Variants in RNF145 observed in about 807,000 individuals in gnomAD.
RNF145 encodes ring finger protein 145.
A neutral mutation model predicts 57.3 loss-of-function variants in RNF145; 12 were observed. The observed-to-expected ratio is 0.21, with a 90% confidence interval of 0.13 to 0.34. The LOEUF (loss-of-function observed/expected upper bound fraction) is 0.34, where lower values mean the gene tolerates loss of function less well. RNF145 is among the 10% of genes least tolerant of loss of function. The pLI is 1.00. For synonymous variants in RNF145, 262 were observed against 288.3 expected (o/e 0.91, Z 0.92); for missense variants, 429 against 799.0 (o/e 0.54, Z 5.58).
chr5:159,194,074 C>G (rs897147933), intron 3 of RNF145, among the ~76,000 whole-genome samples: 16 of 152,192 alleles, frequency 1.1e-4, no homozygotes, highest in African/African-American at 3.9e-4. Context: ...CTTAGGTACA[C>G]AGACAATATG....
intron 4 of RNF145, among the ~76,000 whole-genome samples, chr5:159,178,099 G>A (rs909782783): frequency 6.6e-6 from 1 of 151,334 alleles, no homozygotes; most frequent in Admixed American, 6.6e-5. Flanking sequence ...TTTCTTAATA[G>A]TACCCACCTT....
intron 10 of RNF145, among the ~76,000 whole-genome samples, chr5:159,160,306 G>C (rs1030577931): frequency 6.6e-6 from 1 of 152,106 alleles, no homozygotes; most frequent in Non-Finnish European, 1.5e-5. Flanking sequence ...ACATTGTTTA[G>C]CTAGGATCAA....
At chr5:159,200,187 G>A (rs865993637) in intron 2 of RNF145, among the ~76,000 whole-genome samples, 63 of 152,124 alleles carry the variant, frequency 4.1e-4, no homozygotes, top group African/African-American at 1.4e-3. Flanking sequence ...CAAATGGGTT[G>A]CTTTGTTTTT....
Position 159,209,550 on chromosome 5 carries a change from C to T in RNF145, c.-359G>A. The T allele has an allele frequency of 3.0e-6, 3 of 985,702 alleles. No individual in the cohort carries two copies. The highest frequency in any genetic ancestry group is 9.1e-5 in the South Asian group (2 of 21,994). The allele number at this position is 985,702 out of a possible 1,614,324, so 61.1% of individuals were successfully genotyped here. ...GTTTGCTCCTCCCGCCCCCGGCGCT[C>T]TGCGGCGGCCGCGGCCCGACTTCCG... On this transcript the variant is annotated 5_prime_UTR_variant, in exon 1 of 11. Coordinates refer to ENST00000424310, the MANE Select transcript of RNF145 (RefSeq NM_001199383.2).
intron 3 of RNF145, among the ~76,000 whole-genome samples, chr5:159,187,618 C>T (rs1419944562): frequency 6.6e-6 from 1 of 152,118 alleles, no homozygotes; most frequent in Non-Finnish European, 1.5e-5. Context: ...TGTGCCACCA[C>T]TCCCGGCCTA....
chr5:159,174,147 T>A lies in RNF145; in HGVS notation c.633A>T (p.Val211=), dbSNP rs771747179. The change falls in exon 6 of 11, where the codon GTA becomes GTT. Residue 211 remains valine (V), a synonymous_variant. Transcript: ENST00000424310. ...AYRELVQVVE[V]YGLLALGMSL... ...ACATTCCCAAGGCGAGAAGGCCATA[T>A]ACCTCCACTACCTAAATAAAAACGT... 1.0e-5 allele frequency: 16 copies of A among 1,597,320 alleles called. No homozygotes were observed. In the South Asian group the frequency reaches 1.7e-4, roughly 17 times the overall value.
intron 2 of RNF145, among the ~76,000 whole-genome samples, chr5:159,198,651 A>G (rs532870638): frequency 6.6e-6 from 1 of 152,200 alleles, no homozygotes; most frequent in Non-Finnish European, 1.5e-5. Flanking sequence ...GAAAAAGGTG[A>G]TGAGTTCAGT....
At chr5:159,179,924 T>C (rs537020849) in intron 4 of RNF145, among the ~76,000 whole-genome samples, 1 of 152,284 alleles carries the variant, frequency 6.6e-6, no homozygotes, top group African/African-American at 2.4e-5. Flanking sequence ...TTGAGACTTA[T>C]CCCTTACTCT....
At chr5:159,194,342 T>C (rs1047422937) in intron 3 of RNF145, among the ~76,000 whole-genome samples, 22 of 152,170 alleles carry the variant, frequency 1.4e-4, no homozygotes, top group African/African-American at 5.1e-4. Flanking sequence ...CGGCTAATTT[T>C]TGTATTTTTA....
chr5:159,172,612 A>C (rs1430722321), intron 6 of RNF145, among the ~76,000 whole-genome samples: 1 of 152,222 alleles, frequency 6.6e-6, no homozygotes, highest in Non-Finnish European at 1.5e-5. Context: ...TGTTTATAGA[A>C]GCTACTTATA....
chr5:159,205,065 T>C (rs1347289892), intron 1 of RNF145, among the ~76,000 whole-genome samples: 1 of 152,196 alleles, frequency 6.6e-6, no homozygotes, highest in African/African-American at 2.4e-5. Context: ...CCAATTTTCA[T>C]AGCTTCCTAG....
At position 159,202,237 on chromosome 5, in the gene RNF145, A is replaced by AACCACAGTATGT. The variant is rs1241173909; in HGVS notation, c.184+1185_184+1196dup. 5.9e-5 allele frequency among the ~76,000 whole-genome samples: 9 copies of AACCACAGTATGT among 152,330 alleles called. No homozygotes were observed. In the East Asian group the frequency reaches 1.7e-3, roughly 29 times the overall value. On this transcript the variant is annotated intron_variant, in intron 2 of 10. Transcript: ENST00000424310. ...AAACAATATATAAGCACATTTTTAA[A>AACCACAGTATGT]ACCACAGTATGTATGACTTTGCTGA...
At chr5:159,164,521 G>A (rs1784331655) in intron 8 of RNF145, among the ~76,000 whole-genome samples, 1 of 152,018 alleles carries the variant, frequency 6.6e-6, no homozygotes, top group Non-Finnish European at 1.5e-5. Context: ...TATGTCAAGA[G>A]TTTTACATTT....
At chr5:159,159,487 C>T (rs1784144247) in intron 10 of RNF145, among the ~76,000 whole-genome samples, 1 of 152,186 alleles carries the variant, frequency 6.6e-6, no homozygotes, top group Admixed American at 6.5e-5. Flanking sequence ...GAGACAAAAT[C>T]GGCCATATAA....
intron 1 of RNF145, among the ~76,000 whole-genome samples, chr5:159,208,322 A>T (rs930418253): frequency 2.0e-5 from 3 of 152,042 alleles, no homozygotes; most frequent in Admixed American, 2.0e-4. Context: ...AAGGGTGCTG[A>T]CTCTGTCGCG....
chr5:159,165,994 T>C (rs1250266420), intron 8 of RNF145, among the ~76,000 whole-genome samples: 1 of 152,204 alleles, frequency 6.6e-6, no homozygotes, highest in African/African-American at 2.4e-5. Context: ...GAGGAGATCA[T>C]GCCAAACTCT....
chr5:159,208,570 C>G (rs1785985822), intron 1 of RNF145, among the ~76,000 whole-genome samples: 1 of 152,108 alleles, frequency 6.6e-6, no homozygotes, highest in Non-Finnish European at 1.5e-5. Context: ...GGATGCAGAG[C>G]AATGGGCCCC....
intron 6 of RNF145, among the ~76,000 whole-genome samples, chr5:159,172,933 G>A (rs1327018254): frequency 6.6e-6 from 1 of 152,136 alleles, no homozygotes; most frequent in Non-Finnish European, 1.5e-5. Context: ...TTTTTAAAGT[G>A]ACAATGAGCA....
intron 2 of RNF145, 21 bp downstream of exon 2, chr5:159,203,413 A>C: frequency 6.6e-7 from 1 of 1,509,096 alleles, no homozygotes; most frequent in Non-Finnish European, 9.2e-7. Context: ...GAAGATTAGA[A>C]AATGTGATGT....
Sources: allele counts gnomAD v4.1 joint callset (sites outside exome capture counted in the v4.1 genomes callset), GRCh38; gene constraint gnomAD v4.1.1; transcripts MANE v1.5; gene names NCBI Gene and HGNC (gene_info 2026-07-23, HGNC 2026-07-21).